The following DPYS variants were observed in gnomAD, a reference collection of about 807,000 sequenced individuals.
DPYS encodes dihydropyrimidine amidohydrolase.
In DPYS, 39 loss-of-function variants were observed where a neutral mutation model predicts 50.3. That is an observed-to-expected ratio of 0.78 (90% CI 0.60 to 1.01). DPYS has a LOEUF of 1.01. DPYS is among the 50% of genes least tolerant of loss of function. The pLI is 0.00. For missense variants in DPYS, 659 were observed against 680.9 expected, an observed-to-expected ratio of 0.97 and a Z score of 0.36; for synonymous variants, 245 against 250.7, an observed-to-expected ratio of 0.98 and a Z score of 0.22.
chr8:104,453,316 T>C (rs1813817193), intron 1 of DPYS, among the ~76,000 whole-genome samples: 1 of 152,176 alleles, frequency 6.6e-6, no homozygotes, highest in South Asian at 2.1e-4. Context: ...ATGAAAATAC[T>C]AGGAAAAAAA....
chr8:104,383,695 A>G (rs1009383384), intron 8 of DPYS, among the ~76,000 whole-genome samples: 4 of 150,418 alleles, frequency 2.7e-5, no homozygotes, highest in Non-Finnish European at 5.9e-5. Context: ...TCCACCTCCT[A>G]TGTGCACACG....
intron 7 of DPYS, among the ~76,000 whole-genome samples, chr8:104,407,148 T>C (rs775043777): frequency 6.6e-6 from 1 of 152,240 alleles, no homozygotes; most frequent in East Asian, 1.9e-4. Context: ...ATCCTCATTA[T>C]TTTATTTAAC....
At chr8:104,423,970 G>A in intron 7 of DPYS, 1 of 984,854 alleles carries the variant, frequency 1.0e-6, no homozygotes. Flanking sequence ...GTGAACTCGG[G>A]CATTTGCCAG....
At chr8:104,415,861 A>T (rs1812349069) in intron 7 of DPYS, among the ~76,000 whole-genome samples, 1 of 152,114 alleles carries the variant, frequency 6.6e-6, no homozygotes, top group Admixed American at 6.6e-5. Context: ...TTATACAAAG[A>T]TTTCTGACTC....
intron 7 of DPYS, among the ~76,000 whole-genome samples, chr8:104,405,717 G>C (rs2140557726): frequency 1.3e-5 from 2 of 152,332 alleles, no homozygotes; most frequent in Middle Eastern, 6.8e-3. Flanking sequence ...TGTCTGCCTG[G>C]AGCAGGCACA....
chr8:104,460,241 T>C (rs1336731779), intron 1 of DPYS, among the ~76,000 whole-genome samples: 1 of 152,160 alleles, frequency 6.6e-6, no homozygotes, highest in Admixed American at 6.5e-5. Context: ...TCAAGTTGAA[T>C]TGTAATCCCC....
chr8:104,465,069 T>A (rs1814312377), intron 1 of DPYS, among the ~76,000 whole-genome samples: 1 of 152,228 alleles, frequency 6.6e-6, no homozygotes, highest in Admixed American at 6.5e-5. Flanking sequence ...GATCCTTCTC[T>A]CTGGGTCAAA....
At chr8:104,403,924 A>T (rs916818812) in intron 7 of DPYS, among the ~76,000 whole-genome samples, 1 of 152,222 alleles carries the variant, frequency 6.6e-6, no homozygotes, top group Non-Finnish European at 1.5e-5. Flanking sequence ...CCTGGCCTCC[A>T]GCTTTCCTGA....
At position 104,454,285 on chromosome 8, in the gene DPYS, C is replaced by T. The variant is rs531790467; in HGVS notation, c.265-2881G>A. ...CCTATAATCCCAGCTACTAGGGAGG[C>T]TGAGGCAGGAGAATTGCTTGAACCC... On this transcript the variant is annotated intron_variant, in intron 1 of 9. Transcript: ENST00000351513. Among the ~76,000 whole-genome samples the T allele has an allele frequency of 1.1e-4, 16 of 152,292 alleles. No homozygotes were observed. The East Asian group carries it at 2.9e-3, about 28-fold the overall frequency.
chr8:104,381,883 CAT>C (rs61402588), intron 8 of DPYS, among the ~76,000 whole-genome samples: 42,062 of 125,576 alleles, frequency 0.33, 6,051 homozygotes, highest in African/African-American at 0.46. Context: ...CACACACACA[CAT>C]ACACACAGAC....
intron 2 of DPYS, among the ~76,000 whole-genome samples, chr8:104,448,684 GA>G (rs1813625818): frequency 1.3e-5 from 2 of 151,126 alleles, no homozygotes; most frequent in Admixed American, 6.6e-5. Context: ...AAAACATGTT[GA>G]AAAATGTTGG....
Position 104,379,717 on chromosome 8 carries a change from A to G in DPYS, c.*141T>C, listed in dbSNP as rs2140493243. On this transcript the variant is annotated 3_prime_UTR_variant, in exon 10 of 10. Transcript: ENST00000351513. ...CAGCAATTGCTTCTGAAAGAAAATC[A>G]AAGAAGCCTATAGTGGTGAATTTTT... The G allele has an allele frequency of 2.3e-6, 1 of 433,112 alleles. No individual in the cohort carries two copies. The highest frequency in any genetic ancestry group is 3.4e-4 in the Middle Eastern group (1 of 2,972). The allele number at this position is 433,112 out of a possible 1,614,324, so 26.8% of individuals were successfully genotyped here. A position where few individuals can be genotyped will look rare whatever the true frequency, so the allele number is the denominator to read the frequency against.
intron 7 of DPYS, among the ~76,000 whole-genome samples, chr8:104,405,545 T>C (rs1811967395): frequency 2.0e-5 from 3 of 152,236 alleles, no homozygotes; most frequent in Non-Finnish European, 4.4e-5. Context: ...TTGACACTCC[T>C]GAAATAAAGC....
At chr8:104,380,316 T>C (rs138092544) in intron 9 of DPYS, among the ~76,000 whole-genome samples, 1 of 152,330 alleles carries the variant, frequency 6.6e-6, no homozygotes, top group East Asian at 1.9e-4. Flanking sequence ...CACAAATGTC[T>C]AACCAGGTCC....
intron 6 of DPYS, 68 bp downstream of exon 6, chr8:104,427,912 G>C: frequency 1.9e-6 from 3 of 1,611,268 alleles, no homozygotes; most frequent in South Asian, 1.1e-5. Flanking sequence ...GTGCCACTCT[G>C]GTCCTCAAAT....
At chr8:104,446,548 T>TA (rs1238526228) in intron 3 of DPYS, among the ~76,000 whole-genome samples, 1 of 152,194 alleles carries the variant, frequency 6.6e-6, no homozygotes, top group African/African-American at 2.4e-5. Context: ...AGTCCAGACT[T>TA]AGAGTGGTAA....
chr8:104,435,923 G>A (rs1472131095), intron 4 of DPYS, among the ~76,000 whole-genome samples: 1 of 152,128 alleles, frequency 6.6e-6, no homozygotes, highest in Non-Finnish European at 1.5e-5. Context: ...AAAAGTTAGG[G>A]GGAGTGACAG....
At chr8:104,383,496 C>T (rs1811121387) in intron 8 of DPYS, among the ~76,000 whole-genome samples, 1 of 152,098 alleles carries the variant, frequency 6.6e-6, no homozygotes, top group Admixed American at 6.6e-5. Flanking sequence ...GGGGGCTTCC[C>T]ATCTAAGCCT....
rs374461372 is a variant in DPYS at position 104,424,269 on chromosome 8, T to A, written c.1213A>T (p.Ile405Phe). The part of the protein sequence containing the change: ...IAVGSDADIV[I>F]WDPKGTRTIS... ...TACCTTGTGCCTTTTGGGTCCCAAATAACAATGTCAGCATCTGATCCTACA... is the reference window on the plus strand; with the variant it reads ...TACCTTGTGCCTTTTGGGTCCCAAAAAACAATGTCAGCATCTGATCCTACA... The change falls in exon 7 of 10, where the codon ATT becomes TTT. Residue 405 changes from isoleucine (I) to phenylalanine (F), a missense_variant. Coordinates refer to ENST00000351513, the MANE Select transcript of DPYS (RefSeq NM_001385.3). 3 of 1,614,022 alleles carry A rather than the reference T, an allele frequency of 1.9e-6. No homozygotes were observed. Among genetic ancestry groups the A allele is most frequent in the Non-Finnish European group, 2.5e-6 (3 of 1,180,008 alleles).
Sources: allele counts gnomAD v4.1 joint callset (sites outside exome capture counted in the v4.1 genomes callset), GRCh38; gene constraint gnomAD v4.1.1; transcripts MANE v1.5; gene names NCBI Gene and HGNC (gene_info 2026-07-23, HGNC 2026-07-21).